Variants in DCP1A observed in about 807,000 individuals in gnomAD.
DCP1A encodes mRNA-decapping enzyme 1A.
A neutral mutation model predicts 58.0 loss-of-function variants in DCP1A; 20 were observed. The observed-to-expected ratio is 0.34, with a 90% CI of 0.24 to 0.50. DCP1A has a LOEUF of 0.50. Ranked by LOEUF, DCP1A falls within the 20% of genes least tolerant of loss-of-function variation. DCP1A has a pLI of 0.98. For synonymous variants in DCP1A, 285 were observed against 275.1 expected, an observed-to-expected ratio of 1.04 and a Z score of -0.36; for missense variants, 613 against 712.2, an observed-to-expected ratio of 0.86 and a Z score of 1.59.
intron 3 of DCP1A, among the ~76,000 whole-genome samples, chr3:53,341,584 C>G (rs1173106347): frequency 6.6e-6 from 1 of 152,112 alleles, no homozygotes; most frequent in Non-Finnish European, 1.5e-5. Context: ...TAGTCCACAG[C>G]TGCAAAAAAA....
chr3:53,298,633 G>C (rs1553687041), intron 6 of DCP1A, among the ~76,000 whole-genome samples: 1 of 152,192 alleles, frequency 6.6e-6, no homozygotes, highest in Non-Finnish European at 1.5e-5. Context: ...ACATTCTTAA[G>C]CAGTGTGCCA....
At position 53,286,079 on chromosome 3, in the gene DCP1A, A is replaced by G. The variant is rs1706623650; in HGVS notation, c.*1501T>C. On this transcript the variant is annotated 3_prime_UTR_variant, in exon 10 of 10. Transcript: ENST00000610213. Reference sequence around the variant, plus strand: ...CCAATCATTCTTTATGCTAAAAACTAAGACCAAACTAAAACAAGTATGTAA... The same window carrying G: ...CCAATCATTCTTTATGCTAAAAACTGAGACCAAACTAAAACAAGTATGTAA... 2 of 152,240 alleles carry G rather than the reference A, an allele frequency of 1.3e-5. No individual in the cohort carries two copies. Among genetic ancestry groups the G allele is most frequent in the South Asian group, 4.1e-4 (2 of 4,830 alleles). The allele number at this position is 152,240 out of a possible 1,614,324, so 9.4% of individuals were successfully genotyped here.
In DCP1A at chr3:53,292,439, T is replaced by C; in HGVS notation, c.1013A>G (p.Asn338Ser). The C allele has an allele frequency of 6.2e-7, 1 of 1,613,930 alleles. No individual in the cohort carries two copies. The highest frequency in any genetic ancestry group is 8.5e-7 in the Non-Finnish European group (1 of 1,179,878). The change falls in exon 7 of 10, where the codon AAC becomes AGC. Residue 338 changes from asparagine (N) to serine (S), a missense_variant. Physicochemically the swap from Asn to Ser is conservative, Grantham distance 46. Coordinates refer to ENST00000610213, the MANE Select transcript of DCP1A (RefSeq NM_018403.7). ...CTTCACTGCCTGCATCATGGTGCTG[T>C]TTCGAGGTAAGCTGGGGGGAACCTG... is the stretch of plus-strand genomic sequence containing the variant. ...TAQVPPSLPR[N>S]STMMQAVKTT...
chr3:53,343,185 C>T (rs781934013), intron 2 of DCP1A, among the ~76,000 whole-genome samples: 4 of 152,180 alleles, frequency 2.6e-5, no homozygotes, highest in African/African-American at 9.7e-5. Flanking sequence ...ATGATAAGGC[C>T]TGTGCCTGAG....
At chr3:53,345,823 G>A (rs568257060) in intron 1 of DCP1A, among the ~76,000 whole-genome samples, 5 of 152,088 alleles carry the variant, frequency 3.3e-5, no homozygotes, top group East Asian at 1.9e-4. Context: ...CCTTTAAAAT[G>A]TTAGGTTATT....
intron 4 of DCP1A, among the ~76,000 whole-genome samples, chr3:53,312,668 G>A (rs1205388344): frequency 6.6e-6 from 1 of 151,836 alleles, no homozygotes; most frequent in African/African-American, 2.4e-5. Flanking sequence ...CTAATGTTTT[G>A]TATTTTTAGT....
At chr3:53,329,206 C>T (rs1708192122) in intron 3 of DCP1A, 1 of 394,374 alleles carries the variant, frequency 2.5e-6, no homozygotes. Flanking sequence ...CTGAGACTTG[C>T]CCTTGAACTG....
chr3:53,346,813 G>C (rs1190923463), intron 1 of DCP1A, among the ~76,000 whole-genome samples: 1 of 152,104 alleles, frequency 6.6e-6, no homozygotes, highest in Non-Finnish European at 1.5e-5. Context: ...TTTCCTAAGT[G>C]CCTTGGAATC....
intron 5 of DCP1A, 35 bp from the exon 6 acceptor site, chr3:53,304,325 GA>G (rs782096710): frequency 2.6e-6 from 4 of 1,516,016 alleles, no homozygotes; most frequent in African/African-American, 1.4e-5. Flanking sequence ...TATATCTTGT[GA>G]AAAAAATTTG....
In DCP1A at chr3:53,344,931, A is replaced by G. The variant is rs1553692984; in HGVS notation, c.147T>C (p.Asp49=). Residue 49 remains aspartate, a synonymous_variant, in exon 2 of 10, where the codon GAT becomes GAC. Transcript: ENST00000610213. ...GATATACGAATAAGGTCCCTTCTATATCAGTCTTCTCCTATGAAAGACAAT... is the reference window on the plus strand; with the variant it reads ...GATATACGAATAAGGTCCCTTCTATGTCAGTCTTCTCCTATGAAAGACAAT... ...CPKANQWEKT[D]IEGTLFVYRR... The G allele has an allele frequency of 3.7e-6, 6 of 1,605,446 alleles. No homozygotes were observed. The highest frequency in any genetic ancestry group is 1.7e-5 in the Admixed American group (1 of 58,094).
chr3:53,304,251 G>A lies in DCP1A; in HGVS notation c.550C>T (p.Gln184Ter), dbSNP rs1209871192. 3 of 1,613,514 alleles carry A rather than the reference G, an allele frequency of 1.9e-6. No homozygotes were observed. Among genetic ancestry groups the A allele is most frequent in the African/African-American group, 2.7e-5 (2 of 74,822 alleles). The change falls in exon 6 of 10, where the codon CAG (glutamine) becomes TAG (stop). Residue 184 changes from glutamine (Q) to a stop codon, truncating the protein, a stop_gained. Transcript: ENST00000610213. LOFTEE classifies it high-confidence loss of function. Reference protein sequence around the residue: ...GDSNISSPGLQPSTQLSNLGS... With the variant: ...GDSNISSPGL ...AGATTGGAGAGCTGAGTGCTTGGCT[G>A]TAACCCAGGGCTGGAGATATTTGAG...
chr3:53,314,436 T>A (rs1707737526), intron 4 of DCP1A, among the ~76,000 whole-genome samples: 1 of 152,158 alleles, frequency 6.6e-6, no homozygotes, highest in South Asian at 2.1e-4. Context: ...AAGACTGGTA[T>A]GGGATATGAG....
intron 4 of DCP1A, among the ~76,000 whole-genome samples, chr3:53,317,229 G>A (rs192559201): frequency 6.6e-5 from 10 of 152,178 alleles, no homozygotes; most frequent in Non-Finnish European, 1.3e-4. Flanking sequence ...GCAATGGCGC[G>A]ATCTTGGCTC....
chr3:53,319,145 T>G lies in DCP1A; in HGVS notation c.371+262A>C, dbSNP rs1553689588. 1.6e-4 allele frequency among the ~76,000 whole-genome samples: 24 copies of G among 152,166 alleles called. 1 individual carries two copies. Among genetic ancestry groups the G allele is most frequent in the Non-Finnish European group, 1.5e-5 (1 of 68,026 alleles). On this transcript the variant is annotated intron_variant, in intron 4 of 9. Transcript: ENST00000610213. ...GTATACATACAGTAGGATCCTATTT[T>G]TGTAAAAAAACAATCACACACATCT...
At chr3:53,308,815 G>A (rs964917115) in intron 5 of DCP1A, among the ~76,000 whole-genome samples, 3 of 151,936 alleles carry the variant, frequency 2.0e-5, no homozygotes, top group Non-Finnish European at 4.4e-5. Context: ...TGCCCAGGGT[G>A]GTCTGAAACT....
chr3:53,297,357 C>CTT (rs1174431632), intron 6 of DCP1A, among the ~76,000 whole-genome samples: 63 of 138,384 alleles, frequency 4.6e-4, no homozygotes, highest in Admixed American at 8.8e-4. Context: ...AACACTAATT[C>CTT]TTTTTTTTTT....
At chr3:53,335,433 T>G (rs1292365201) in intron 3 of DCP1A, among the ~76,000 whole-genome samples, 6 of 152,178 alleles carry the variant, frequency 3.9e-5, no homozygotes, top group African/African-American at 9.7e-5. Flanking sequence ...TGAGCCATAG[T>G]GTCCGGCTAA....
chr3:53,322,996 T>C (rs1488740720), intron 3 of DCP1A, among the ~76,000 whole-genome samples: 1 of 152,026 alleles, frequency 6.6e-6, no homozygotes, highest in Non-Finnish European at 1.5e-5. Flanking sequence ...GGCTAACTTT[T>C]TGTATTTTTA....
chr3:53,294,888 C>T (rs1329254194), intron 6 of DCP1A, among the ~76,000 whole-genome samples: 1 of 152,222 alleles, frequency 6.6e-6, no homozygotes, highest in Admixed American at 6.5e-5. Context: ...CTCATGTATT[C>T]CCCAATCCTT....
Sources: allele counts gnomAD v4.1 joint callset (sites outside exome capture counted in the v4.1 genomes callset), GRCh38; gene constraint gnomAD v4.1.1; transcripts MANE v1.5; gene names NCBI Gene and HGNC (gene_info 2026-07-23, HGNC 2026-07-21).